Variants in RPP30 observed in about 807,000 individuals in gnomAD.
RPP30 encodes the protein ribonuclease P/MRP subunit p30.
A neutral mutation model predicts 38.6 loss-of-function variants in RPP30; 36 were observed. The ratio of observed to expected loss-of-function variants is 0.93; its 90% CI spans 0.71 to 1.23. The LOEUF is 1.23. Ranked by LOEUF, RPP30 falls within the 50% of genes most tolerant of loss-of-function variation. RPP30 has a pLI of 0.00. For missense variants in RPP30, 321 were observed against 321.7 expected, an observed-to-expected ratio of 1.00 and a Z score of 0.02; for synonymous variants, 126 against 112.7, an observed-to-expected ratio of 1.12 and a Z score of -0.75.
intron 6 of RPP30, among the ~76,000 whole-genome samples, chr10:90,888,399 G>A (rs1290111567): frequency 6.6e-6 from 1 of 152,100 alleles, no homozygotes; most frequent in Non-Finnish European, 1.5e-5. Context: ...CTTTTAATTG[G>A]GGTTCTTAGG....
At chr10:90,874,492 T>C (rs1344035325) in intron 1 of RPP30, among the ~76,000 whole-genome samples, 2 of 152,208 alleles carry the variant, frequency 1.3e-5, no homozygotes, top group African/African-American at 4.8e-5. Context: ...GAATGACATT[T>C]GAAAAGGAGA....
At chr10:90,900,424 A>G in intron 10 of RPP30, 146 bp from the exon 11 acceptor site, 2 of 708,214 alleles carry the variant, frequency 2.8e-6, no homozygotes, top group Non-Finnish European at 4.6e-6. Context: ...AAAAAAAGAT[A>G]ATGACGGTAA....
At chr10:90,890,545 A>G (rs556934661) in intron 6 of RPP30, among the ~76,000 whole-genome samples, 1 of 152,312 alleles carries the variant, frequency 6.6e-6, no homozygotes, top group African/African-American at 2.4e-5. Context: ...AGGTAGTTCC[A>G]TGAATCATGC....
chr10:90,899,015 A>G (rs1847173712), intron 10 of RPP30, among the ~76,000 whole-genome samples: 1 of 152,272 alleles, frequency 6.6e-6, no homozygotes, highest in Non-Finnish European at 1.5e-5. Flanking sequence ...AAAACATTTT[A>G]TAAACTAAAG....
downstream of RPP30, chr10:90,902,249 ACT>A: frequency 5.3e-6 from 3 of 565,370 alleles, no homozygotes; most frequent in South Asian, 3.5e-5. Context: ...ACAGGGTCTC[ACT>A]CTGTCACCCA....
At chr10:90,889,571 G>A (rs1033112555) in intron 6 of RPP30, among the ~76,000 whole-genome samples, 1 of 151,924 alleles carries the variant, frequency 6.6e-6, no homozygotes, top group African/African-American at 2.4e-5. Context: ...CCTCGGCCAG[G>A]ATACTTTAAA....
chr10:90,904,467 G>A (rs1847232613), downstream of RPP30, among the ~76,000 whole-genome samples: 1 of 152,178 alleles, frequency 6.6e-6, no homozygotes, highest in Non-Finnish European at 1.5e-5. Flanking sequence ...CAAGGATTAA[G>A]TAGGTTAGTA....
intron 10 of RPP30, among the ~76,000 whole-genome samples, 172 bp from the exon 11 acceptor site, chr10:90,900,398 A>G (rs1847186546): frequency 6.6e-6 from 1 of 152,242 alleles, no homozygotes; most frequent in African/African-American, 2.4e-5. Flanking sequence ...ATATACTGAT[A>G]TTTGTGTCTG....
At chr10:90,898,759 G>A (rs1438126779) in intron 10 of RPP30, among the ~76,000 whole-genome samples, 1 of 152,176 alleles carries the variant, frequency 6.6e-6, no homozygotes, top group Non-Finnish European at 1.5e-5. Context: ...GTTCTTTGGG[G>A]GTCCAGAAAT....
intron 4 of RPP30, 25 bp downstream of exon 4, chr10:90,876,123 C>T (rs370814619): frequency 2.8e-5 from 40 of 1,418,346 alleles, no homozygotes; most frequent in Admixed American, 5.1e-5. Flanking sequence ...TTTCTTCTCT[C>T]CTTTTGGCTT....
At chr10:90,879,274 C>T in intron 5 of RPP30, 140 bp downstream of exon 5, 1 of 644,132 alleles carries the variant, frequency 1.6e-6, no homozygotes, top group South Asian at 2.0e-5. Flanking sequence ...TCTAGAACCC[C>T]ATAAGGGTAT....
intron 5 of RPP30, among the ~76,000 whole-genome samples, chr10:90,881,551 C>G (rs529577815): frequency 6.6e-6 from 1 of 152,118 alleles, no homozygotes; most frequent in Non-Finnish European, 1.5e-5. Flanking sequence ...TAAATGAGAA[C>G]GCAGTTTTAA....
chr10:90,879,084 C>T lies in RPP30; in HGVS notation c.292C>T (p.Arg98Trp), dbSNP rs759076589. ...CTAGAGAGCAACTTCTTCAAGGGCC[C>T]GGCTCTATGATGTTGTTGCAGTTTT... ...NVLRATSSRARLYDVVAVFPK... is the reference protein window; with the variant it reads ...NVLRATSSRAWLYDVVAVFPK... Residue 98 changes from arginine to tryptophan, a missense_variant, in exon 5 of 11, where the codon CGG becomes TGG. Transcript: ENST00000371703. 22 of 1,613,786 alleles carry T rather than the reference C, an allele frequency of 1.4e-5. No individual in the cohort carries two copies. The highest frequency in any genetic ancestry group is 1.9e-5 in the Non-Finnish European group (22 of 1,179,918).
chr10:90,890,044 T>C (rs1847055129), intron 6 of RPP30, among the ~76,000 whole-genome samples: 2 of 152,352 alleles, frequency 1.3e-5, no homozygotes, highest in Admixed American at 6.5e-5. Context: ...ATGGGGTAGA[T>C]GTTAATTATC....
At position 90,901,325 on chromosome 10, in the gene RPP30, T is replaced by C. The variant is rs901742178; in HGVS notation, c.*646T>C. ...AAGAGCTTCTTTCGAAAGTTTCTTG[T>C]TCATACTCAAATAGTAGTTATTTTG... On this transcript the variant is annotated 3_prime_UTR_variant, in exon 11 of 11. Transcript: ENST00000371703. The C allele has an allele frequency of 5.1e-6, 5 of 984,830 alleles. No homozygotes were observed. Among genetic ancestry groups the C allele is most frequent in the Non-Finnish European group, 6.0e-6 (5 of 829,558 alleles). 61.0% of individuals were successfully genotyped at this position (984,830 alleles called of 1,614,324 possible).
chr10:90,893,445 G>C (rs1005691510), intron 6 of RPP30, among the ~76,000 whole-genome samples: 1 of 152,098 alleles, frequency 6.6e-6, no homozygotes, highest in African/African-American at 2.4e-5. Context: ...TTATTCTTTT[G>C]AAAGAGTACT....
downstream of RPP30, chr10:90,905,557 C>T (rs1847245354): frequency 6.6e-6 from 1 of 152,222 alleles, no homozygotes; most frequent in African/African-American, 2.4e-5. Context: ...CAGTAAGTCA[C>T]TTACACAAGA....
chr10:90,889,927 A>G (rs1465643128), intron 6 of RPP30, among the ~76,000 whole-genome samples: 1 of 152,216 alleles, frequency 6.6e-6, no homozygotes, highest in African/African-American at 2.4e-5. Flanking sequence ...ATGTGTTTCT[A>G]AAAAATTGGA....
chr10:90,902,646 A>T (rs191480552), downstream of RPP30, among the ~76,000 whole-genome samples: 39 of 152,234 alleles, frequency 2.6e-4, no homozygotes, highest in South Asian at 8.3e-4. Context: ...CCTGATTTTT[A>T]AAATGACAAC....
Sources: gnomAD v4.1 joint callset for allele counts (sites outside exome capture counted in the v4.1 genomes callset) on GRCh38, gnomAD v4.1.1 for gene constraint, MANE v1.5 for transcripts, NCBI Gene and HGNC (gene_info 2026-07-23, HGNC 2026-07-21) for gene names.